The following RGS12 variants were observed in gnomAD, a reference collection of about 807,000 sequenced individuals.
RGS12 encodes the protein regulator of G protein signaling 12, also known as regulator of G-protein signaling 12.
RGS12 carries 66 observed loss-of-function variants against 120.1 expected under a neutral mutation model. That is an observed-to-expected ratio of 0.55 (90% confidence interval 0.45 to 0.67). The LOEUF (loss-of-function observed/expected upper bound fraction) is 0.67. Ranked by LOEUF, RGS12 falls within the 30% of genes least tolerant of loss-of-function variation. The pLI is 0.00. For missense variants in RGS12, 1,859 were observed against 1,957.7 expected (o/e 0.95, Z 0.95); for synonymous variants, 827 against 804.7 (o/e 1.03, Z -0.47).
chr4:3,382,611 A>G (rs1718377684), intron 3 of RGS12, among the ~76,000 whole-genome samples: 1 of 152,158 alleles, frequency 6.6e-6, no homozygotes, highest in South Asian at 2.1e-4. Context: ...TTTGAATCTC[A>G]GATCCTGAGG....
intron 3 of RGS12, among the ~76,000 whole-genome samples, chr4:3,348,836 G>T (rs1034229913): frequency 6.6e-6 from 1 of 152,156 alleles, no homozygotes; most frequent in Non-Finnish European, 1.5e-5. Context: ...AGTGATATGC[G>T]GCCAGCAGGT....
Position 3,316,882 on chromosome 4 carries a change from A to G in RGS12, c.712A>G (p.Ile238Val), listed in dbSNP as rs74519134. ...GATGATCGTGGGCTACTTAGGCTCC[A>G]TTGAGCTTCCTTCCACGAGCTCCAA... ...VAMIVGYLGS[I>V]ELPSTSSNLE... Residue 238 changes from isoleucine to valine, a missense_variant, in exon 2 of 18, where the codon ATT becomes GTT. By Grantham distance (29) the Ile-to-Val change is conservative. Around this residue, in one of 3 missense-constraint regions of RGS12, gnomAD observed 967 missense variants for 994.2 expected, o/e 0.97. Transcript: ENST00000336727. 63 of 1,614,004 alleles carry G rather than the reference A, an allele frequency of 3.9e-5. No individual in the cohort carries two copies. In the East Asian group the frequency reaches 6.5e-4, roughly 17 times the overall value.
chr4:3,295,167 G>A (rs189743633), intron 1 of RGS12, among the ~76,000 whole-genome samples: 3 of 152,294 alleles, frequency 2.0e-5, no homozygotes, highest in Admixed American at 2.0e-4. Context: ...GCCCAGAGGT[G>A]ACAGCTGGTG....
rs372853150 is a variant in RGS12, at chr4:3,316,601, G to T, written c.431G>T (p.Gly144Val). 6.2e-6 allele frequency: 10 copies of T among 1,614,040 alleles called. No homozygotes were observed. Among genetic ancestry groups the T allele is most frequent in the East Asian group, 2.2e-5 (1 of 44,896 alleles). Residue 144 changes from glycine to valine, a missense_variant, in exon 2 of 18, where the codon GGT becomes GTT. By Grantham distance (109) the Gly-to-Val change is moderately radical. This residue lies in a region of RGS12 where 967 missense variants were observed against 994.2 expected (regional missense o/e 0.97). Coordinates refer to ENST00000336727, the MANE Select transcript of RGS12 (RefSeq NM_001394154.1). ...AERVVEEMQS[G>V]GIFNMIFENP... The stretch of plus-strand genomic sequence containing the variant: ...CGAGTCGTGGAGGAAATGCAGTCTG[G>T]TGGAATTTTCAATATGATTTTTGAA...
At chr4:3,383,064 T>C (rs541964742) in intron 3 of RGS12, among the ~76,000 whole-genome samples, 74 of 152,196 alleles carry the variant, frequency 4.9e-4, no homozygotes, top group African/African-American at 1.7e-3. Context: ...GTTTTCTTTC[T>C]GGAAGGATTT....
At chr4:3,350,071 T>G (rs1441752220) in intron 3 of RGS12, among the ~76,000 whole-genome samples, 1 of 152,260 alleles carries the variant, frequency 6.6e-6, no homozygotes, top group Admixed American at 6.5e-5. Flanking sequence ...ATTTCCCTTT[T>G]CACCATTTGT....
Position 3,414,210 on chromosome 4 carries a change from T to C in RGS12, c.2159T>C (p.Leu720Pro). Reference sequence around the variant, plus strand: ...TGGGCCGTGTCCTTTGAGCGCCTGCTGCAGGACCCCGTCGGTGTCCGCTAC... The same window carrying C: ...TGGGCCGTGTCCTTTGAGCGCCTGCCGCAGGACCCCGTCGGTGTCCGCTAC... ...ASWAVSFERL[L>P]QDPVGVRYFS... is the part of the protein sequence containing the mutation. Residue 720 changes from leucine (L) to proline (P), a missense_variant, in exon 5 of 18, where the codon CTG (leucine) becomes CCG (proline). Coordinates refer to ENST00000336727, the MANE Select transcript of RGS12 (RefSeq NM_001394154.1). The C allele has an allele frequency of 6.5e-7, 1 of 1,548,570 alleles. No individual in the cohort carries two copies. Among genetic ancestry groups the C allele is most frequent in the Non-Finnish European group, 8.7e-7 (1 of 1,150,418 alleles).
At chr4:3,398,570 T>C (rs190488381) in intron 4 of RGS12, among the ~76,000 whole-genome samples, 1 of 152,170 alleles carries the variant, frequency 6.6e-6, no homozygotes, top group African/African-American at 2.4e-5. Context: ...CATAACAATA[T>C]TAATATCAGA....
chr4:3,377,405 C>A (rs189868199), intron 3 of RGS12, among the ~76,000 whole-genome samples: 1 of 152,096 alleles, frequency 6.6e-6, no homozygotes, highest in Non-Finnish European at 1.5e-5. Flanking sequence ...ATTTATATTT[C>A]TTCTCTTTGT....
rs527652403 is a variant in RGS12, at chr4:3,420,501, C to T, written c.2762-141C>T. The T allele has an allele frequency of 6.0e-5, 45 of 755,548 alleles. 1 individual carries two copies. The South Asian group carries it at 6.6e-4, about 11-fold the overall frequency. 46.8% of individuals were successfully genotyped at this position (755,548 alleles called of 1,614,324 possible). A position where few individuals can be genotyped will look rare whatever the true frequency, so the allele number is the denominator to read the frequency against. On this transcript the variant is annotated intron_variant, in intron 9 of 17. Transcript: ENST00000336727. The stretch of plus-strand genomic sequence containing the variant: ...TGTGACTCGTCTCCACCAGAGACGG[C>T]AAAGTGATGCCTGGTGGGGGATGGG...
chr4:3,330,574 A>C (rs1711731450), intron 2 of RGS12, among the ~76,000 whole-genome samples: 1 of 152,232 alleles, frequency 6.6e-6, no homozygotes, highest in African/African-American at 2.4e-5. Flanking sequence ...GTTAGAAGGC[A>C]CTTAATATTT....
chr4:3,386,531 C>T (rs1437823919), intron 4 of RGS12, 94 bp downstream of exon 4: 6 of 1,127,378 alleles, frequency 5.3e-6, no homozygotes, highest in South Asian at 2.6e-5. Flanking sequence ...TCAGGAAGGA[C>T]GGGTTGTTTG....
intron 3 of RGS12, among the ~76,000 whole-genome samples, chr4:3,354,099 A>G (rs1443596224): frequency 6.6e-6 from 1 of 152,150 alleles, no homozygotes; most frequent in African/African-American, 2.4e-5. Context: ...AAGGATCATG[A>G]CTTTATGGGG....
intron 17 of RGS12, chr4:3,431,311 C>G (rs186411351): frequency 8.9e-7 from 1 of 1,118,224 alleles, no homozygotes; most frequent in African/African-American, 1.7e-5. Flanking sequence ...ATCTGGACAG[C>G]GATCGTTTTT....
rs1276741313 is a variant in RGS12 at position 3,316,715 on chromosome 4, G to A, written c.545G>A (p.Gly182Glu). The A allele has an allele frequency of 1.9e-6, 3 of 1,614,178 alleles. No individual in the cohort carries two copies. Among genetic ancestry groups the A allele is most frequent in the Non-Finnish European group, 2.5e-6 (3 of 1,180,024 alleles). Residue 182 changes from glycine (G) to glutamate (E), a missense_variant, in exon 2 of 18, where the codon GGA becomes GAA. By Grantham distance (98) the Gly-to-Glu change is moderately conservative. Coordinates refer to ENST00000336727, the MANE Select transcript of RGS12 (RefSeq NM_001394154.1). Reference sequence around the variant, plus strand: ...TCGGCCGCAACTCGATTTGATGTTGGACATGAAAGTATAAATAATCCAAAT... The same window carrying A: ...TCGGCCGCAACTCGATTTGATGTTGAACATGAAAGTATAAATAATCCAAAT... ...SESAATRFDVGHESINNPNPN... is the reference protein window; with the variant it reads ...SESAATRFDVEHESINNPNPN...
chr4:3,339,841 G>C (rs538481202), intron 2 of RGS12, among the ~76,000 whole-genome samples: 7 of 152,072 alleles, frequency 4.6e-5, no homozygotes, highest in Admixed American at 6.6e-5. Flanking sequence ...TTTGTTTTTC[G>C]CAGGCACACT....
rs947963274 is a variant in RGS12 at position 3,433,310 on chromosome 4, C to T, written c.4114+2355C>T. Among the ~76,000 whole-genome samples, 2 of 152,198 alleles carry T rather than the reference C, an allele frequency of 1.3e-5. No individual in the cohort carries two copies. Among genetic ancestry groups the T allele is most frequent in the Non-Finnish European group, 2.9e-5 (2 of 68,018 alleles). ...AGGTGTAGCCAAGCCCACGGGCTCC[C>T]GCCCTCCCCATTGCCATGGTGGGCA... is the stretch of plus-strand genomic sequence containing the variant. On this transcript the variant is annotated intron_variant, in intron 17 of 17. Coordinates refer to ENST00000336727, the MANE Select transcript of RGS12 (RefSeq NM_001394154.1). The surrounding 1 kb of genome is among the most constrained non-coding windows in gnomAD (Gnocchi z 4.4).
At chr4:3,364,903 C>T (rs1015087573) in intron 3 of RGS12, among the ~76,000 whole-genome samples, 79 of 152,158 alleles carry the variant, frequency 5.2e-4, no homozygotes, top group African/African-American at 1.9e-3. Flanking sequence ...GAAGGACCCT[C>T]CCCGTGGCGA....
chr4:3,335,949 G>A (rs1257557732), intron 2 of RGS12, among the ~76,000 whole-genome samples: 1 of 152,030 alleles, frequency 6.6e-6, no homozygotes, highest in African/African-American at 2.4e-5. Flanking sequence ...AAAATTATCC[G>A]GGCATGGTGG....
Sources: allele counts gnomAD v4.1 joint callset (sites outside exome capture counted in the v4.1 genomes callset), GRCh38; gene constraint gnomAD v4.1.1; regional missense constraint gnomAD v4.1.1; non-coding constraint Gnocchi (gnomAD v3.1); transcripts MANE v1.5; gene names NCBI Gene and HGNC (gene_info 2026-07-23, HGNC 2026-07-21).